SPRED1: variants seen among roughly 807,000 people sequenced by gnomAD.
The protein encoded by SPRED1 is sprouty-related, EVH1 domain-containing protein 1.
Under a neutral mutation model 52.3 loss-of-function variants are expected in SPRED1, and 18 were observed. The observed-to-expected ratio is 0.34, with a 90% CI of 0.24 to 0.51. The LOEUF is 0.51. Among genes scored for constraint, SPRED1 ranks in the 20% least tolerant of loss-of-function variants. The pLI is 0.97. For synonymous variants in SPRED1, 155 were observed against 179.7 expected (o/e 0.86, Z 1.10); for missense variants, 485 against 551.0 (o/e 0.88, Z 1.20).
At chr15:38,307,277 T>C (rs1895269211) in intron 2 of SPRED1, among the ~76,000 whole-genome samples, 1 of 152,206 alleles carries the variant, frequency 6.6e-6, no homozygotes, top group East Asian at 1.9e-4. Flanking sequence ...CCTGTATTAG[T>C]TTCCTTGGGC....
chr15:38,260,975 T>G (rs978268003), intron 1 of SPRED1, among the ~76,000 whole-genome samples: 1 of 152,154 alleles, frequency 6.6e-6, no homozygotes, highest in Non-Finnish European at 1.5e-5. Context: ...TGGCTGCAAA[T>G]TTTTAAGAAC....
chr15:38,284,317 C>T (rs141030617), intron 1 of SPRED1, among the ~76,000 whole-genome samples: 16 of 152,186 alleles, frequency 1.1e-4, no homozygotes, highest in Non-Finnish European at 1.3e-4. Context: ...TTTGTTCATA[C>T]GCTCATGAGT....
intron 1 of SPRED1, among the ~76,000 whole-genome samples, chr15:38,255,876 C>A (rs1776818249): frequency 6.6e-6 from 1 of 152,052 alleles, no homozygotes; most frequent in Admixed American, 6.5e-5. Flanking sequence ...TTCTTTTTCA[C>A]CTGATTTCAA....
At chr15:38,291,956 A>G (rs1413770675) in intron 1 of SPRED1, among the ~76,000 whole-genome samples, 2 of 152,134 alleles carry the variant, frequency 1.3e-5, no homozygotes, top group Admixed American at 1.3e-4. Context: ...TCTCCTCACA[A>G]AATAGTTTTT....
rs58297032 is a variant in SPRED1, at chr15:38,341,413, T to C, written c.582+1518T>C. On this transcript the variant is annotated intron_variant, in intron 5 of 6. Coordinates refer to ENST00000299084, the MANE Select transcript of SPRED1 (RefSeq NM_152594.3). ...TTCTTGATGTTTTTTTCAGCTTTTT[T>C]CCTTTTTTTCTCTCTTTTTCTAATG... Among the ~76,000 whole-genome samples the C allele has an allele frequency of 3.3e-3, 507 of 152,108 alleles. 3 individuals are homozygous for C. The highest frequency in any genetic ancestry group is 0.012 in the African/African-American group (478 of 41,546).
rs1303726215 is a variant in SPRED1 at position 38,336,414 on chromosome 15, A to ATG, written c.424-3315_424-3314dup. Among the ~76,000 whole-genome samples the ATG allele has an allele frequency of 8.8e-3, 427 of 48,282 alleles. 4 individuals carry two copies. The highest frequency in any genetic ancestry group is 0.028 in the African/African-American group (415 of 14,864). The allele number at this position is 48,282 out of a possible 152,430, so 31.7% of individuals were successfully genotyped here. A position where few individuals can be genotyped will look rare whatever the true frequency, so the allele number is the denominator to read the frequency against. On this transcript the variant is annotated intron_variant, in intron 4 of 6. Transcript: ENST00000299084. The stretch of plus-strand genomic sequence containing the variant: ...TGTGTGTGTGTGTGTGTGTATGTGT[A>ATG]TGTGTGTGTATATATATATATAATA...
chr15:38,335,157 A>T (rs1895886729), intron 4 of SPRED1, among the ~76,000 whole-genome samples: 3 of 152,006 alleles, frequency 2.0e-5, no homozygotes. Flanking sequence ...CCAGGAAGAG[A>T]GGGCTCATTT....
intron 1 of SPRED1, among the ~76,000 whole-genome samples, chr15:38,261,280 T>G (rs1324513110): frequency 6.6e-6 from 1 of 152,258 alleles, no homozygotes; most frequent in Non-Finnish European, 1.5e-5. Context: ...TTTACTTAAC[T>G]TTGGGATTTT....
At chr15:38,258,862 G>A (rs968598927) in intron 1 of SPRED1, among the ~76,000 whole-genome samples, 1 of 152,164 alleles carries the variant, frequency 6.6e-6, no homozygotes, top group Non-Finnish European at 1.5e-5. Flanking sequence ...GTATGGTATA[G>A]TCTAAAGAAC....
chr15:38,344,281 C>T (rs547216438), intron 5 of SPRED1, among the ~76,000 whole-genome samples: 2 of 152,264 alleles, frequency 1.3e-5, no homozygotes, highest in East Asian at 3.9e-4. Flanking sequence ...AAAGAAAACA[C>T]GGTGAATGTA....
rs369369431 is a variant in SPRED1, at chr15:38,253,135, C to G, written c.-51C>G. 1.3e-6 allele frequency: 2 copies of G among 1,550,372 alleles called. No individual in the cohort carries two copies. Among genetic ancestry groups the G allele is most frequent in the African/African-American group, 2.7e-5 (2 of 73,254 alleles). ...TGCCCCTCGGTGCTGCTGTTGCTCC[C>G]CCGCCTGCTGTTGCTCCTCCATCTC... is the stretch of plus-strand genomic sequence containing the variant. On this transcript the variant is annotated 5_prime_UTR_variant, in exon 1 of 7. Coordinates refer to ENST00000299084, the MANE Select transcript of SPRED1 (RefSeq NM_152594.3).
intron 6 of SPRED1, 66 bp downstream of exon 6, chr15:38,349,589 A>G (rs542270695): frequency 3.9e-5 from 17 of 430,458 alleles, no homozygotes; most frequent in Non-Finnish European, 6.4e-5. Context: ...AAAGTTTTCC[A>G]GTCTTTCTAA....
At chr15:38,283,590 TTGA>T in intron 1 of SPRED1, 1 of 708,870 alleles carries the variant, frequency 1.4e-6, no homozygotes, top group Non-Finnish European at 1.7e-6. Context: ...AAAAATATAA[TTGA>T]TGGAGAATAT....
At chr15:38,274,074 C>T (rs945840312) in intron 1 of SPRED1, among the ~76,000 whole-genome samples, 2 of 152,206 alleles carry the variant, frequency 1.3e-5, no homozygotes, top group African/African-American at 4.8e-5. Context: ...GAGTCCTCCT[C>T]ATATTGCTGT....
At chr15:38,301,198 G>C (rs1895142841) in intron 2 of SPRED1, among the ~76,000 whole-genome samples, 1 of 152,154 alleles carries the variant, frequency 6.6e-6, no homozygotes, top group African/African-American at 2.4e-5. Context: ...TGCACAGATT[G>C]ATGGATTGGG....
chr15:38,332,151 C>T (rs1895818605), intron 4 of SPRED1, among the ~76,000 whole-genome samples: 1 of 152,100 alleles, frequency 6.6e-6, no homozygotes, highest in Non-Finnish European at 1.5e-5. Flanking sequence ...AGCATGTAAA[C>T]ACATGTGCAT....
intron 1 of SPRED1, among the ~76,000 whole-genome samples, chr15:38,270,494 C>T (rs1286574741): frequency 6.6e-6 from 1 of 152,140 alleles, no homozygotes; most frequent in Non-Finnish European, 1.5e-5. Context: ...GTTCTGTAGG[C>T]TATACAGGAA....
chr15:38,260,495 G>A (rs1296211550), intron 1 of SPRED1, among the ~76,000 whole-genome samples: 2 of 151,386 alleles, frequency 1.3e-5, no homozygotes, highest in African/African-American at 2.5e-5. Flanking sequence ...AACACCAATA[G>A]AAACTACGGA....
In SPRED1 at chr15:38,324,804, T is replaced by C. The variant is rs1895679013; in HGVS notation, c.418T>C (p.Leu140=). ...AAATGAAGCTGAAGGGGCAGATGAC[T>C]TACAAGTAAGTAATGGCTTGGAAGG... ...SKNEAEGADD[L]QANEEDSSSS... Residue 140 remains leucine, a synonymous_variant, in exon 4 of 7, where the codon TTA becomes CTA. Coordinates refer to ENST00000299084, the MANE Select transcript of SPRED1 (RefSeq NM_152594.3). 2.5e-6 allele frequency: 4 copies of C among 1,611,980 alleles called. No homozygotes were observed. The East Asian group carries it at 8.9e-5, about 36-fold the overall frequency.
Sources: allele counts gnomAD v4.1 joint callset (sites outside exome capture counted in the v4.1 genomes callset), GRCh38; gene constraint gnomAD v4.1.1; transcripts MANE v1.5; gene names NCBI Gene and HGNC (gene_info 2026-07-23, HGNC 2026-07-21).